The following TENM4 variants were observed in gnomAD, a reference collection of about 807,000 sequenced individuals.
TENM4 encodes teneurin-4.
TENM4 carries 82 observed loss-of-function variants against 243.3 expected under a neutral mutation model. The ratio of observed to expected loss-of-function variants is 0.34; its 90% CI spans 0.28 to 0.40. TENM4 has a LOEUF of 0.40. TENM4 is among the 10% of genes least tolerant of loss of function. The pLI is 1.00. For missense variants in TENM4, 3,138 were observed against 3,673.3 expected, an observed-to-expected ratio of 0.85 and a Z score of 3.77; for synonymous variants, 1,412 against 1,456.3, an observed-to-expected ratio of 0.97 and a Z score of 0.69.
intron 18 of TENM4, among the ~76,000 whole-genome samples, chr11:78,760,843 A>C (rs1402710216): frequency 2.6e-5 from 4 of 152,046 alleles, no homozygotes; most frequent in Admixed American, 6.5e-5. Flanking sequence ...TGTTTCTTCA[A>C]ATCTCTATTC....
chr11:78,843,298 T>C (rs193133876), intron 12 of TENM4, among the ~76,000 whole-genome samples: 4 of 151,054 alleles, frequency 2.6e-5, no homozygotes, highest in African/African-American at 2.4e-5. Context: ...AAAATAAACA[T>C]AGAGAGATCC....
rs541386843 is a variant in TENM4, at chr11:78,885,467, G to A, written c.1084+4318C>T. The stretch of plus-strand genomic sequence containing the variant: ...CAGCCAAGTAGCACTCCCAGGAGAG[G>A]AGGAGATGGCCCATGGGCAAGCCTC... On this transcript the variant is annotated intron_variant, in intron 9 of 33. Transcript: ENST00000278550. Among the ~76,000 whole-genome samples, 125 of 152,360 alleles carry A rather than the reference G, an allele frequency of 8.2e-4. 1 individual carries two copies. In the Middle Eastern group the frequency reaches 0.01, roughly 12 times the overall value.
intron 12 of TENM4, among the ~76,000 whole-genome samples, chr11:78,833,942 C>T (rs1858039980): frequency 1.3e-5 from 2 of 152,202 alleles, no homozygotes; most frequent in South Asian, 4.1e-4. Flanking sequence ...GTAATCTCTT[C>T]CCTTTCTGGG....
At chr11:78,727,180 G>A (rs1855532176) in intron 22 of TENM4, among the ~76,000 whole-genome samples, 1 of 152,160 alleles carries the variant, frequency 6.6e-6, no homozygotes, top group Admixed American at 6.5e-5. Context: ...TGGGCGCGGT[G>A]GCTCACGCCT....
chr11:78,820,982 G>A (rs1279481865), intron 12 of TENM4, among the ~76,000 whole-genome samples: 1 of 152,218 alleles, frequency 6.6e-6, no homozygotes, highest in East Asian at 1.9e-4. Flanking sequence ...GGATGTCCCA[G>A]CTTTCTTTGC....
intron 1 of TENM4, among the ~76,000 whole-genome samples, chr11:79,389,640 C>T (rs1858188557): frequency 6.6e-6 from 1 of 152,204 alleles, no homozygotes; most frequent in South Asian, 2.1e-4. Flanking sequence ...ATGGTTTTTA[C>T]AGATCAATAT....
At chr11:79,227,774 C>T (rs1864300193) in intron 2 of TENM4, among the ~76,000 whole-genome samples, 1 of 152,172 alleles carries the variant, frequency 6.6e-6, no homozygotes, top group Admixed American at 6.5e-5. Flanking sequence ...TGTGACACTT[C>T]AGAAAGCTTG....
intron 4 of TENM4, among the ~76,000 whole-genome samples, chr11:79,078,976 T>C (rs1860597254): frequency 6.6e-6 from 1 of 152,258 alleles, no homozygotes; most frequent in South Asian, 2.1e-4. Context: ...GCTTAAATGT[T>C]CTATTTGTTC....
chr11:78,991,477 T>C (rs985089066), intron 6 of TENM4, among the ~76,000 whole-genome samples: 1 of 152,184 alleles, frequency 6.6e-6, no homozygotes, highest in African/African-American at 2.4e-5. Flanking sequence ...CTTGTGCATA[T>C]AAATACTGTA....
intron 4 of TENM4, among the ~76,000 whole-genome samples, chr11:79,127,582 C>T (rs921692474): frequency 1.3e-5 from 2 of 152,204 alleles, no homozygotes; most frequent in African/African-American, 4.8e-5. Context: ...CAGCAATATG[C>T]TTTTACTGTC....
intron 12 of TENM4, among the ~76,000 whole-genome samples, chr11:78,847,054 C>T (rs1858412724): frequency 6.6e-6 from 1 of 152,064 alleles, no homozygotes; most frequent in African/African-American, 2.4e-5. Flanking sequence ...CTTATTTTTC[C>T]TGCCTGACAT....
chr11:78,898,298 C>A (rs529093266), intron 7 of TENM4, among the ~76,000 whole-genome samples: 1 of 152,334 alleles, frequency 6.6e-6, no homozygotes, highest in East Asian at 1.9e-4. Flanking sequence ...GCTAGCCTTT[C>A]TTTTTCTGCC....
rs372332945 is a variant in TENM4 at position 78,790,504 on chromosome 11, A to G, written c.2180-3421T>C. On this transcript the variant is annotated intron_variant, in intron 15 of 33. Transcript: ENST00000278550. The stretch of plus-strand genomic sequence containing the variant: ...TTTTACAGTTTGCAAAGCACTCTTC[A>G]TGGACAATTTCTCATTGAACTATCA... 3.9e-5 allele frequency among the ~76,000 whole-genome samples: 6 copies of G among 152,364 alleles called. No homozygotes were observed. In the East Asian group the frequency reaches 9.6e-4, roughly 24 times the overall value.
intron 6 of TENM4, among the ~76,000 whole-genome samples, chr11:79,000,478 A>T (rs1221261766): frequency 6.6e-6 from 1 of 152,174 alleles, no homozygotes; most frequent in Non-Finnish European, 1.5e-5. Flanking sequence ...GTGACAAAAA[A>T]TAGCAAAAGA....
At chr11:78,945,373 C>G (rs1312933658) in intron 6 of TENM4, among the ~76,000 whole-genome samples, 1 of 152,122 alleles carries the variant, frequency 6.6e-6, no homozygotes, top group Non-Finnish European at 1.5e-5. Flanking sequence ...TTCTGAGATG[C>G]CACAAACTGT....
chr11:78,662,968 C>T (rs1287204331), intron 32 of TENM4, among the ~76,000 whole-genome samples: 1 of 152,196 alleles, frequency 6.6e-6, no homozygotes, highest in Admixed American at 6.5e-5. Context: ...CTATACTAGG[C>T]AAGGCCTAGA....
Position 79,138,579 on chromosome 11 carries a change from T to C in TENM4, c.-66+10131A>G, listed in dbSNP as rs1420914384. ...TATAAATACATAAAACATATATTTA[T>C]ATAAATACATAAAACATATATTATA... On this transcript the variant is annotated intron_variant, in intron 4 of 33. Transcript: ENST00000278550. Among the ~76,000 whole-genome samples the C allele has an allele frequency of 2.7e-4, 17 of 62,744 alleles. 1 individual carries two copies. In the Admixed American group the frequency reaches 2.7e-3, roughly 10 times the overall value. 41.2% of individuals were successfully genotyped at this position (62,744 alleles called of 152,430 possible). A position where few individuals can be genotyped will look rare whatever the true frequency, so the allele number is the denominator to read the frequency against.
intron 1 of TENM4, among the ~76,000 whole-genome samples, chr11:79,320,074 A>G (rs1168256778): frequency 6.6e-6 from 1 of 152,104 alleles, no homozygotes; most frequent in African/African-American, 2.4e-5. Context: ...GAGCATGGAG[A>G]GCCCAGAGCG....
intron 6 of TENM4, among the ~76,000 whole-genome samples, chr11:79,043,940 C>T (rs151189595): frequency 6.6e-5 from 10 of 152,130 alleles, no homozygotes; most frequent in South Asian, 2.1e-4. Context: ...GGCTCACTGT[C>T]TAGAGGAGGT....
Sources: allele counts gnomAD v4.1 joint callset (sites outside exome capture counted in the v4.1 genomes callset), GRCh38; gene constraint gnomAD v4.1.1; transcripts MANE v1.5; gene names NCBI Gene and HGNC (gene_info 2026-07-23, HGNC 2026-07-21).